The following PIN4 variants were observed in gnomAD, a reference collection of about 807,000 sequenced individuals.
PIN4 encodes the protein peptidyl-prolyl cis-trans isomerase NIMA-interacting 4.
A neutral mutation model predicts 8.3 loss-of-function variants in PIN4; 3 were observed. The ratio of observed to expected loss-of-function variants is 0.36; its 90% CI spans 0.16 to 0.93. The LOEUF (loss-of-function observed/expected upper bound fraction) is 0.93, where lower values mean the gene tolerates loss of function less well. PIN4 is among the 40% of genes least tolerant of loss of function. PIN4 has a pLI of 0.44. For synonymous variants in PIN4, 18 were observed against 32.5 expected (o/e 0.55, Z 1.52); for missense variants, 75 against 100.6 (o/e 0.75, Z 1.09).
At chrX:72,262,243 G>C (rs1183188355) in intron 3 of PIN4, among the ~76,000 whole-genome samples, 1 of 112,466 alleles carries the variant, frequency 8.9e-6, no homozygotes, top group Non-Finnish European at 1.9e-5. Context: ...GCACGTGGTT[G>C]TGGTTCGATA....
intron 3 of PIN4, among the ~76,000 whole-genome samples, chrX:72,231,583 C>T (rs1166706564): frequency 2.7e-5 from 3 of 109,741 alleles, no homozygotes; most frequent in East Asian, 2.8e-4. Context: ...ACAGGGTCTC[C>T]CTCTGTCACC....
intron 3 of PIN4, among the ~76,000 whole-genome samples, chrX:72,258,975 A>AG (rs2043125682): frequency 1.8e-5 from 2 of 112,000 alleles, no homozygotes; most frequent in Admixed American, 1.9e-4. Context: ...TTTTTACAAA[A>AG]GGGTAAGAAA....
chrX:72,234,980 G>A (rs776794238), intron 3 of PIN4, among the ~76,000 whole-genome samples: 3 of 111,951 alleles, frequency 2.7e-5, no homozygotes, highest in Non-Finnish European at 5.6e-5. Flanking sequence ...GATATTGATG[G>A]ATTTCAAGTA....
At chrX:72,223,390 C>T (rs1262265660) in intron 3 of PIN4, among the ~76,000 whole-genome samples, 1 of 105,137 alleles carries the variant, frequency 9.5e-6, no homozygotes, top group Non-Finnish European at 2.0e-5. Flanking sequence ...TCAGCAGGAC[C>T]TCCTAAATGC....
chrX:72,243,013 AAAAAGAAAAG>A (rs200341699), intron 3 of PIN4, among the ~76,000 whole-genome samples: 2 of 109,248 alleles, frequency 1.8e-5, no homozygotes, highest in Admixed American at 2.0e-4. Flanking sequence ...ACTCCATCTC[AAAAAGAAAAG>A]AAAAGAAAAG....
At chrX:72,210,065 G>T (rs190410514) in intron 3 of PIN4, among the ~76,000 whole-genome samples, 1 of 108,943 alleles carries the variant, frequency 9.2e-6, no homozygotes, top group South Asian at 4.0e-4. Context: ...CAACCAGAGG[G>T]GGGGAAGAGA....
chrX:72,244,882 A>G (rs2043061671), intron 3 of PIN4, among the ~76,000 whole-genome samples: 1 of 107,316 alleles, frequency 9.3e-6, no homozygotes, highest in Non-Finnish European at 1.9e-5. Context: ...GGAGTTTGAG[A>G]CCAGCCTGGG....
chrX:72,197,062 GGTT>G, intron 3 of PIN4, 158 bp downstream of exon 3: 1 of 538,917 alleles, frequency 1.9e-6, no homozygotes, highest in Non-Finnish European at 2.9e-6. Context: ...GCGATATTTT[GGTT>G]TAAAGATCTC....
intron 3 of PIN4, among the ~76,000 whole-genome samples, chrX:72,261,375 G>T (rs1280598501): frequency 9.0e-6 from 1 of 111,014 alleles, no homozygotes; most frequent in Non-Finnish European, 1.9e-5. Flanking sequence ...TTTCTGTTTG[G>T]ATTAAGTCCA....
intron 3 of PIN4, among the ~76,000 whole-genome samples, chrX:72,259,190 A>G (rs2043126565): frequency 9.2e-6 from 1 of 108,870 alleles, no homozygotes; most frequent in Non-Finnish European, 1.9e-5. Context: ...GGCCAGGATC[A>G]GCTAACACTC....
chrX:72,188,506 C>T (rs1265430947), intron 2 of PIN4, among the ~76,000 whole-genome samples: 5 of 110,263 alleles, frequency 4.5e-5, no homozygotes, highest in Middle Eastern at 4.7e-3. Context: ...CACAGGTGCC[C>T]GCCACCGCGC....
chrX:72,238,085 T>G (rs761873073), intron 3 of PIN4: 1 of 111,961 alleles, frequency 8.9e-6, no homozygotes, highest in South Asian at 3.7e-4. Context: ...GTTCTGGAGA[T>G]GACGGACGGC....
At position 72,239,200 on chromosome X, in the gene PIN4, G is replaced by T. The variant is rs747387019; in HGVS notation, c.313-23507G>T. 6.8e-4 allele frequency among the ~76,000 whole-genome samples: 77 copies of T among 113,232 alleles called. No individual in the cohort carries two copies. The South Asian group carries it at 0.027, about 39-fold the overall frequency. ...CTGCCTTCGAGACACGGAGTGTGCT[G>T]CCTCAGTCTGTGATCCCTCGCGTTT... On this transcript the variant is annotated intron_variant, in intron 3 of 3. Coordinates refer to the PIN4 transcript ENST00000423432.
At chrX:72,199,571 T>A, downstream of PIN4, among the ~76,000 whole-genome samples, 1 of 111,561 alleles carries the variant, frequency 9.0e-6, no homozygotes, top group East Asian at 2.8e-4. Context: ...AAACAATGTG[T>A]CTAAATAAGG....
At position 72,248,291 on chromosome X, in the gene PIN4, G is replaced by GAAAAA. The variant is rs55908553; in HGVS notation, c.313-14375_313-14371dup. Among the ~76,000 whole-genome samples, 5 of 54,906 alleles carry GAAAAA rather than the reference G, an allele frequency of 9.1e-5. 1 individual carries two copies. The highest frequency in any genetic ancestry group is 1.2e-4 in the Non-Finnish European group (3 of 24,028). The allele number at this position is 54,906 out of a possible 115,157, so 47.7% of individuals were successfully genotyped here. On this transcript the variant is annotated intron_variant, in intron 3 of 3. Coordinates refer to the PIN4 transcript ENST00000423432. ...CCTAGGACATAGCTTGCTCCATCCAGAAAAAAAAAAAAAAAAAAAAAAAAA... is the reference window on the plus strand; with the variant it reads ...CCTAGGACATAGCTTGCTCCATCCAGAAAAAAAAAAAAAAAAAAAAAAAAAAAAAA...
chrX:72,241,806 A>T (rs940237978), intron 3 of PIN4, among the ~76,000 whole-genome samples: 18 of 90,959 alleles, frequency 2.0e-4, no homozygotes, highest in African/African-American at 7.8e-4. Context: ...AACAAGAGCG[A>T]AACTCCGTCT....
chrX:72,246,997 TTGGATGGA>T (rs755032602), intron 3 of PIN4, among the ~76,000 whole-genome samples: 6 of 111,604 alleles, frequency 5.4e-5, no homozygotes, highest in Non-Finnish European at 9.4e-5. Flanking sequence ...TAAATAGTTG[TTGGATGGA>T]TGGATGGATG....
chrX:72,214,737 A>G (rs2042878294), intron 3 of PIN4, among the ~76,000 whole-genome samples: 2 of 110,057 alleles, frequency 1.8e-5, no homozygotes, highest in African/African-American at 6.6e-5. Flanking sequence ...CTGTAATCCT[A>G]GCACTTTGGG....
intron 3 of PIN4, among the ~76,000 whole-genome samples, chrX:72,236,057 C>T (rs1306742044): frequency 8.9e-6 from 1 of 111,997 alleles, no homozygotes; most frequent in Non-Finnish European, 1.9e-5. Flanking sequence ...CTATAGGTCC[C>T]AACAATATCA....
Sources: allele counts gnomAD v4.1 joint callset (sites outside exome capture counted in the v4.1 genomes callset), GRCh38; gene constraint gnomAD v4.1.1; transcripts MANE v1.5; gene names NCBI Gene and HGNC (gene_info 2026-07-23, HGNC 2026-07-21).